NAV3: variants seen among roughly 807,000 people sequenced by gnomAD.
NAV3 encodes neuron navigator 3.
A neutral mutation model predicts 244.7 loss-of-function variants in NAV3; 87 were observed. The ratio of observed to expected loss-of-function variants is 0.36; its 90% CI spans 0.30 to 0.42. The LOEUF (loss-of-function observed/expected upper bound fraction) is 0.42, where lower values mean the gene tolerates loss of function less well. NAV3 is among the 20% of genes least tolerant of loss of function. The pLI is 1.00. For synonymous variants in NAV3, 1,126 were observed against 1,042.2 expected, an observed-to-expected ratio of 1.08 and a Z score of -1.55; for missense variants, 2,663 against 2,893.3, an observed-to-expected ratio of 0.92 and a Z score of 1.83.
intron 38 of NAV3, 65 bp from the exon 39 acceptor site, chr12:78,204,870 A>C (rs896508802): frequency 7.1e-7 from 1 of 1,414,362 alleles, no homozygotes; most frequent in African/African-American, 1.4e-5. Flanking sequence ...TCCAACTAGC[A>C]GTCCCCTTTT....
intron 1 of NAV3, among the ~76,000 whole-genome samples, chr12:77,912,787 T>C (rs1044988244): frequency 6.6e-6 from 1 of 150,520 alleles, no homozygotes; most frequent in Admixed American, 6.7e-5. Flanking sequence ...TAATTTTGTA[T>C]TTTTACTAGA....
chr12:77,894,848 C>A (rs1036816177), intron 1 of NAV3, among the ~76,000 whole-genome samples: 7 of 152,050 alleles, frequency 4.6e-5, no homozygotes, highest in Admixed American at 4.6e-4. Context: ...AAGCCAGAAA[C>A]CTGGAATTTT....
At chr12:77,871,033 A>G (rs1880872054) in intron 1 of NAV3, among the ~76,000 whole-genome samples, 1 of 152,216 alleles carries the variant, frequency 6.6e-6, no homozygotes, top group African/African-American at 2.4e-5. Flanking sequence ...TGAAATAAGC[A>G]CATGAAAGTA....
intron 2 of NAV3, among the ~76,000 whole-genome samples, chr12:77,599,625 A>G (rs899251746): frequency 2.9e-4 from 44 of 151,836 alleles, no homozygotes; most frequent in African/African-American, 9.9e-4. Context: ...AGATATATAT[A>G]TGTGTGATAT....
At chr12:77,951,433 G>T (rs1047153869) in intron 3 of NAV3, among the ~76,000 whole-genome samples, 1 of 152,150 alleles carries the variant, frequency 6.6e-6, no homozygotes, top group African/African-American at 2.4e-5. Flanking sequence ...GTGCTGGAGA[G>T]GATGTGGAGA....
intron 12 of NAV3, among the ~76,000 whole-genome samples, chr12:78,095,064 TACACACAC>T (rs56856471): frequency 1.5e-5 from 2 of 137,578 alleles, no homozygotes; most frequent in African/African-American, 2.7e-5. Flanking sequence ...TATATATATA[TACACACAC>T]ACACACACAC....
At chr12:77,639,215 G>C (rs990482109) in intron 2 of NAV3, among the ~76,000 whole-genome samples, 2 of 152,060 alleles carry the variant, frequency 1.3e-5, no homozygotes, top group Non-Finnish European at 2.9e-5. Context: ...TCCTCATCTT[G>C]TATGTTTTAA....
intron 23 of NAV3, among the ~76,000 whole-genome samples, chr12:78,161,724 T>C (rs1352695679): frequency 6.6e-6 from 1 of 152,130 alleles, no homozygotes; most frequent in African/African-American, 2.4e-5. Flanking sequence ...AAATCACTTC[T>C]TTTTGAATTG....
chr12:77,785,582 T>G (rs1419161657), intron 2 of NAV3, among the ~76,000 whole-genome samples: 1 of 152,220 alleles, frequency 6.6e-6, no homozygotes, highest in East Asian at 1.9e-4. Flanking sequence ...AGGGATAGGT[T>G]CAAGGAGAAA....
chr12:77,994,175 A>G (rs1361555835), intron 5 of NAV3, among the ~76,000 whole-genome samples: 4 of 152,250 alleles, frequency 2.6e-5, no homozygotes, highest in Admixed American at 6.5e-5. Context: ...TAAGTTGTTT[A>G]TGAAGAACTT....
At chr12:77,673,221 T>C (rs1874066583) in intron 2 of NAV3, among the ~76,000 whole-genome samples, 1 of 152,184 alleles carries the variant, frequency 6.6e-6, no homozygotes, top group African/African-American at 2.4e-5. Context: ...CCATTAACAA[T>C]GAATTTGGCT....
At chr12:77,894,218 C>T (rs1303570336) in intron 1 of NAV3, among the ~76,000 whole-genome samples, 1 of 152,062 alleles carries the variant, frequency 6.6e-6, no homozygotes, top group African/African-American at 2.4e-5. Flanking sequence ...GTTGTCACCA[C>T]CCCCCACCCC....
intron 5 of NAV3, among the ~76,000 whole-genome samples, chr12:77,974,003 G>A (rs1174768530): frequency 2.0e-5 from 3 of 152,038 alleles, no homozygotes; most frequent in Non-Finnish European, 4.4e-5. Context: ...TTAACTGACT[G>A]CATTTGGAAA....
chr12:77,938,728 G>A (rs1385017816), intron 1 of NAV3, among the ~76,000 whole-genome samples: 1 of 151,982 alleles, frequency 6.6e-6, no homozygotes, highest in African/African-American at 2.4e-5. Context: ...GCTGTCTCTT[G>A]CAACTTTAGA....
At chr12:77,743,620 A>T (rs1868388598) in intron 2 of NAV3, among the ~76,000 whole-genome samples, 1 of 151,906 alleles carries the variant, frequency 6.6e-6, no homozygotes, top group Non-Finnish European at 1.5e-5. Context: ...TACTACTCAT[A>T]AATAAAAAAG....
chr12:77,880,243 T>G (rs1020567445), intron 1 of NAV3, among the ~76,000 whole-genome samples: 2 of 152,100 alleles, frequency 1.3e-5, no homozygotes, highest in African/African-American at 4.8e-5. Flanking sequence ...TATTTTTCAT[T>G]TGGGGAAGAT....
chr12:78,066,222 A>G (rs1311607250), intron 12 of NAV3, among the ~76,000 whole-genome samples: 1 of 152,122 alleles, frequency 6.6e-6, no homozygotes, highest in Non-Finnish European at 1.5e-5. Flanking sequence ...AGGCTTCTGA[A>G]AACATTACCT....
At chr12:77,768,387 C>T (rs943769790) in intron 2 of NAV3, among the ~76,000 whole-genome samples, 2 of 152,168 alleles carry the variant, frequency 1.3e-5, no homozygotes, top group African/African-American at 4.8e-5. Context: ...TCCAGGGTGC[C>T]CAGGCTGTTT....
At chr12:77,878,984 G>C (rs543665999) in intron 1 of NAV3, among the ~76,000 whole-genome samples, 11 of 152,210 alleles carry the variant, frequency 7.2e-5, no homozygotes, top group Non-Finnish European at 1.5e-4. Flanking sequence ...GAGCATATTT[G>C]TGTCTGCTGC....
Sources: allele counts gnomAD v4.1 joint callset (sites outside exome capture counted in the v4.1 genomes callset), GRCh38; gene constraint gnomAD v4.1.1; transcripts MANE v1.5; gene names NCBI Gene and HGNC (gene_info 2026-07-23, HGNC 2026-07-21).